The following ZNF184 variants were observed in gnomAD, a reference collection of about 807,000 sequenced individuals.
The protein encoded by ZNF184 is zinc finger protein 184 (Kruppel-like).
In ZNF184, 16 loss-of-function variants were observed where a neutral mutation model predicts 54.4. The ratio of observed to expected loss-of-function variants is 0.29; its 90% confidence interval spans 0.20 to 0.45. ZNF184 has a LOEUF of 0.45. Among genes scored for constraint, ZNF184 ranks in the 20% least tolerant of loss-of-function variants. The pLI, the probability that ZNF184 is intolerant of heterozygous loss-of-function variation, is 1.00. For synonymous variants in ZNF184, 254 were observed against 295.3 expected (o/e 0.86, Z 1.43); for missense variants, 681 against 888.2 (o/e 0.77, Z 2.97).
the ZNF184 span, among the ~76,000 whole-genome samples, chr6:27,434,380 A>C: frequency 6.6e-6 from 1 of 152,152 alleles, no homozygotes; most frequent in South Asian, 2.1e-4. Flanking sequence ...ATGGGTGTAA[A>C]GTGGTACCTT....
chr6:27,423,092 T>C, the ZNF184 span, among the ~76,000 whole-genome samples: 1 of 152,238 alleles, frequency 6.6e-6, no homozygotes. Context: ...CGCTGCCTCT[T>C]GGATGCTAGT....
chr6:27,457,806 T>C (rs114641217), intron 3 of ZNF184, among the ~76,000 whole-genome samples: 1,957 of 152,154 alleles, frequency 0.013, 21 homozygotes, highest in Admixed American at 0.026. Flanking sequence ...AAAAGAGAGG[T>C]GGAAAGACTT....
intron 3 of ZNF184, among the ~76,000 whole-genome samples, chr6:27,462,540 A>C (rs776698611): frequency 3.3e-5 from 5 of 150,862 alleles, no homozygotes; most frequent in Non-Finnish European, 5.9e-5. Context: ...GAACCCAATA[A>C]GGTAAAATTC....
chr6:27,442,896 G>GA, the ZNF184 span, among the ~76,000 whole-genome samples: 8 of 145,038 alleles, frequency 5.5e-5, no homozygotes, highest in South Asian at 6.7e-4. Context: ...AAAAAAGAAA[G>GA]AAAAAAAAAA....
At chr6:27,430,612 A>G in the ZNF184 span, among the ~76,000 whole-genome samples, 1 of 152,210 alleles carries the variant, frequency 6.6e-6, no homozygotes, top group Non-Finnish European at 1.5e-5. Flanking sequence ...AACTACCACA[A>G]GCTGGAAGAG....
the ZNF184 span, among the ~76,000 whole-genome samples, chr6:27,413,910 T>C: frequency 6.6e-6 from 1 of 152,164 alleles, no homozygotes; most frequent in Non-Finnish European, 1.5e-5. Context: ...AGAACTGCAT[T>C]AGCTGAACTC....
In ZNF184 at chr6:27,457,528, T is replaced by C. The variant is rs114337108; in HGVS notation, c.76-119A>G. 2,814 of 1,132,914 alleles carry C rather than the reference T, an allele frequency of 2.5e-3. 48 individuals are homozygous for C. In the African/African-American group the frequency reaches 0.036, roughly 15 times the overall value. The allele number at this position is 1,132,914 out of a possible 1,614,324, so 70.2% of individuals were successfully genotyped here. On this transcript the variant is annotated intron_variant, in intron 3 of 5. Coordinates refer to ENST00000683788, the MANE Select transcript of ZNF184 (RefSeq NM_001318891.2). ...GATGTCTGCAAAATAATCTTGACAT[T>C]TTCTCCTTTATGAAATAAATGTAAA...
the ZNF184 span, among the ~76,000 whole-genome samples, chr6:27,420,439 C>G: frequency 1.3e-5 from 2 of 152,168 alleles, no homozygotes; most frequent in African/African-American, 4.8e-5. Flanking sequence ...GAGCACCAAG[C>G]CCTGCTCCTT....
the ZNF184 span, among the ~76,000 whole-genome samples, chr6:27,428,574 C>T: frequency 6.6e-6 from 1 of 152,208 alleles, no homozygotes; most frequent in Non-Finnish European, 1.5e-5. This position sits in a 1 kb window ranked among gnomAD's most constrained non-coding sequence, Gnocchi z 4.1. Flanking sequence ...GGAAGACACT[C>T]TTTCCTAAAA....
the ZNF184 span, among the ~76,000 whole-genome samples, chr6:27,434,993 T>A: frequency 5.9e-5 from 9 of 152,358 alleles, no homozygotes; most frequent in African/African-American, 2.2e-4. Flanking sequence ...ATTTCTTTGC[T>A]GTCTAGTCTC....
At chr6:27,424,095 T>C in the ZNF184 span, among the ~76,000 whole-genome samples, 2 of 152,212 alleles carry the variant, frequency 1.3e-5, no homozygotes, top group Non-Finnish European at 2.9e-5. Context: ...GATGTTTAGA[T>C]GTGTTCAGTT....
intron 5 of ZNF184, among the ~76,000 whole-genome samples, chr6:27,456,116 G>A (rs755774918): frequency 2.0e-5 from 3 of 152,058 alleles, no homozygotes; most frequent in African/African-American, 4.8e-5. Flanking sequence ...AAATTAGCCA[G>A]GCATGGTGGC....
chr6:27,418,244 G>C, the ZNF184 span, among the ~76,000 whole-genome samples: 20 of 152,146 alleles, frequency 1.3e-4, no homozygotes, highest in African/African-American at 4.6e-4. Flanking sequence ...AGGCCACAGG[G>C]GCATGTTTAT....
chr6:27,472,140 TA>T lies in ZNF184; in HGVS notation c.7+147del. 1 of 1,007,044 alleles carries T rather than the reference TA, an allele frequency of 9.9e-7. No individual in the cohort carries two copies. The highest frequency in any genetic ancestry group is 1.4e-6 in the Non-Finnish European group (1 of 695,558). 62.4% of individuals were successfully genotyped at this position (1,007,044 alleles called of 1,614,324 possible). A position where few individuals can be genotyped will look rare whatever the true frequency, so the allele number is the denominator to read the frequency against. On this transcript the variant is annotated intron_variant, in intron 2 of 5. Transcript: ENST00000683788. This position sits in a 1 kb window ranked among gnomAD's most constrained non-coding sequence, Gnocchi z 4.8. ...CTCTCTATAAAACAGAATCTCTCCC[TA>T]CAATGTAATTCGGTTTCTTTGCTAA...
chr6:27,451,834 C>T lies in ZNF184; in HGVS notation c.1725G>A (p.Gln575=). Residue 575 remains glutamine, a synonymous_variant, in exon 6 of 6, where the codon CAG becomes CAA. Transcript: ENST00000683788. ...KTFSYGSSLI[Q]HRKIHTGERP... is the part of the protein sequence containing the mutation. Reference sequence around the variant, plus strand: ...GTTCTCCAGTATGGATCTTCCTATGCTGAATAAGGGATGAACCATAACTGA... The same window carrying T: ...GTTCTCCAGTATGGATCTTCCTATGTTGAATAAGGGATGAACCATAACTGA... The T allele has an allele frequency of 6.2e-7, 1 of 1,613,266 alleles. No individual in the cohort carries two copies. Among genetic ancestry groups the T allele is most frequent in the Non-Finnish European group, 8.5e-7 (1 of 1,180,014 alleles).
downstream of ZNF184, among the ~76,000 whole-genome samples, chr6:27,447,820 G>T (rs1762655778): frequency 6.6e-6 from 1 of 152,224 alleles, no homozygotes; most frequent in Non-Finnish European, 1.5e-5. Flanking sequence ...TATCATGGGT[G>T]TCTGGCCCTT....
rs530301301 is a variant in ZNF184 at position 27,462,473 on chromosome 6, C to T, written c.76-5064G>A. 5.3e-4 allele frequency among the ~76,000 whole-genome samples: 80 copies of T among 149,766 alleles called. 1 individual carries two copies. The highest frequency in any genetic ancestry group is 1.6e-3 in the African/African-American group (66 of 40,664). On this transcript the variant is annotated intron_variant, in intron 3 of 5. Transcript: ENST00000683788. The stretch of plus-strand genomic sequence containing the variant: ...TTGGCCTCCCAAAGTGCTGGGATTA[C>T]GGGTGTGAGCCACTGCGCCTGGCCA...
At chr6:27,424,744 C>G in the ZNF184 span, among the ~76,000 whole-genome samples, 1 of 152,250 alleles carries the variant, frequency 6.6e-6, no homozygotes, top group African/African-American at 2.4e-5. Context: ...CCACCAGATT[C>G]AGGAGCCCAG....
chr6:27,408,509 T>C, the ZNF184 span, among the ~76,000 whole-genome samples: 3 of 152,198 alleles, frequency 2.0e-5, no homozygotes, highest in Non-Finnish European at 4.4e-5. Flanking sequence ...TGGATATTTA[T>C]TAGACTATTT....
Sources: allele counts gnomAD v4.1 joint callset (sites outside exome capture counted in the v4.1 genomes callset), GRCh38; gene constraint gnomAD v4.1.1; non-coding constraint Gnocchi (gnomAD v3.1); transcripts MANE v1.5; gene names NCBI Gene and HGNC (gene_info 2026-07-23, HGNC 2026-07-21).